Variants in PCDHGA7 observed in about 807,000 individuals in gnomAD.
The protein encoded by PCDHGA7 is protocadherin gamma-A7.
In PCDHGA7, 44 loss-of-function variants were observed where a neutral mutation model predicts 58.3. That is an observed-to-expected ratio of 0.75 (90% CI 0.59 to 0.97). The LOEUF (loss-of-function observed/expected upper bound fraction) is 0.97, where lower values mean the gene tolerates loss of function less well. PCDHGA7 is among the 50% of genes least tolerant of loss of function. The probability of loss-of-function intolerance (pLI) is 0.00; values close to 1 mark genes in which losing one functional copy is unlikely to be tolerated. For synonymous variants in PCDHGA7, 516 were observed against 504.2 expected, an observed-to-expected ratio of 1.02 and a Z score of -0.31; for missense variants, 1,266 against 1,188.7, an observed-to-expected ratio of 1.06 and a Z score of -0.96.
Position 141,487,463 on chromosome 5 carries a change from G to T in PCDHGA7, c.2425-7344G>T, listed in dbSNP as rs754798527. 1 of 1,614,136 alleles carries T rather than the reference G, an allele frequency of 6.2e-7. No homozygotes were observed. The highest frequency in any genetic ancestry group is 1.7e-5 in the Admixed American group (1 of 60,016). ...GTCAGATGACCCTATCAAGTTTGTT[G>T]ATGTGGGAGGCCACTCTCATGGCTG... On this transcript the variant is annotated intron_variant, in intron 1 of 3. Coordinates refer to ENST00000518325, the MANE Select transcript of PCDHGA7 (RefSeq NM_018920.4). The surrounding 1 kb of genome is among the most constrained non-coding windows in gnomAD (Gnocchi z 5.0).
chr5:141,450,977 A>G (rs2098702822), intron 1 of PCDHGA7, among the ~76,000 whole-genome samples: 1 of 151,760 alleles, frequency 6.6e-6, no homozygotes, highest in African/African-American at 2.4e-5. Context: ...GGCATGTGCC[A>G]CCACACCCGG....
chr5:141,432,093 C>A lies in PCDHGA7; in HGVS notation c.2424+46770C>A. The A allele has an allele frequency of 1.2e-6, 2 of 1,614,170 alleles. No homozygotes were observed. Among genetic ancestry groups the A allele is most frequent in the Non-Finnish European group, 1.7e-6 (2 of 1,180,046 alleles). On this transcript the variant is annotated intron_variant, in intron 1 of 3. Coordinates refer to ENST00000518325, the MANE Select transcript of PCDHGA7 (RefSeq NM_018920.4). The surrounding 1 kb of genome is among the most constrained non-coding windows in gnomAD (Gnocchi z 6.0). ...CATATCTCGCTGAACGTGGCAGACA[C>A]CAACGACAACCCGCCGGTCTTCCCT...
At chr5:141,393,222 G>T (rs950133126) in intron 1 of PCDHGA7, 2 of 1,613,670 alleles carry the variant, frequency 1.2e-6, no homozygotes, top group East Asian at 2.2e-5. Flanking sequence ...CCAGGTCGAA[G>T]ATCTAGAAGT....
intron 2 of PCDHGA7, among the ~76,000 whole-genome samples, chr5:141,500,254 G>A (rs1260325865): frequency 1.3e-5 from 2 of 150,426 alleles, no homozygotes; most frequent in Non-Finnish European, 3.0e-5. Context: ...TGTCACCCAG[G>A]CTGGACTGCA....
chr5:141,465,019 G>T (rs533151051), intron 1 of PCDHGA7, among the ~76,000 whole-genome samples: 1 of 151,978 alleles, frequency 6.6e-6, no homozygotes, highest in Non-Finnish European at 1.5e-5. Context: ...TAAGATTACA[G>T]CCATGAACCA....
In PCDHGA7 at chr5:141,511,224, G is replaced by T. The variant is rs752401867; in HGVS notation, c.*51G>T. On this transcript the variant is annotated 3_prime_UTR_variant, in exon 4 of 4. Coordinates refer to ENST00000518325, the MANE Select transcript of PCDHGA7 (RefSeq NM_018920.4). ...GGGCGGCCTCTCCCCAACCAGCCCA[G>T]CTTCTCCTTACCTGCACCCAGGCCT... is the stretch of plus-strand genomic sequence containing the variant. 44 of 1,603,158 alleles carry T rather than the reference G, an allele frequency of 2.7e-5. No individual in the cohort carries two copies. Among genetic ancestry groups the T allele is most frequent in the Non-Finnish European group, 3.6e-5 (42 of 1,174,924 alleles).
At chr5:141,415,182 C>A (rs2095840318) in intron 1 of PCDHGA7, 1 of 1,613,842 alleles carries the variant, frequency 6.2e-7, no homozygotes, top group Admixed American at 1.7e-5. Flanking sequence ...TGGCCGTGGC[C>A]GACAGCATCC....
chr5:141,406,344 A>G (rs1227863234), intron 1 of PCDHGA7, among the ~76,000 whole-genome samples: 1 of 152,148 alleles, frequency 6.6e-6, no homozygotes, highest in Non-Finnish European at 1.5e-5. Flanking sequence ...TCATTTATTC[A>G]GGTCATACTA....
chr5:141,399,071 T>C (rs2093748237), intron 1 of PCDHGA7: 1 of 1,613,808 alleles, frequency 6.2e-7, no homozygotes. Flanking sequence ...TCAATGGTTG[T>C]AGAAGGGAGG....
chr5:141,426,790 A>T, intron 1 of PCDHGA7: 1 of 456,732 alleles, frequency 2.2e-6, no homozygotes, highest in Middle Eastern at 3.3e-4. Flanking sequence ...CTCCAGAGTT[A>T]CCAGCTCAGT....
chr5:141,405,529 C>G, intron 1 of PCDHGA7: 1 of 654,350 alleles, frequency 1.5e-6, no homozygotes, highest in Middle Eastern at 4.2e-4. Flanking sequence ...AAGCGATTCT[C>G]CTGCCTCAGC....
chr5:141,495,415 C>T (rs1385371906), intron 2 of PCDHGA7, among the ~76,000 whole-genome samples: 1 of 152,194 alleles, frequency 6.6e-6, no homozygotes, highest in Admixed American at 6.5e-5. Context: ...TTCTCCGGCC[C>T]CTCCTCCCAC....
At chr5:141,424,723 T>A (rs2096836963) in intron 1 of PCDHGA7, 2 of 152,144 alleles carry the variant, frequency 1.3e-5, no homozygotes, top group African/African-American at 4.8e-5. Context: ...TAGTTGGGAG[T>A]CATAGATTCC....
intron 1 of PCDHGA7, chr5:141,420,076 T>C (rs764381539): frequency 3.3e-5 from 53 of 1,613,956 alleles, no homozygotes; most frequent in Non-Finnish European, 4.5e-5. Context: ...GACCTGTGGG[T>C]CCCCCCAACT....
intron 1 of PCDHGA7, chr5:141,393,333 C>G: frequency 6.3e-7 from 1 of 1,582,250 alleles, no homozygotes; most frequent in Non-Finnish European, 8.6e-7. Context: ...CCAGCTCAGC[C>G]CCAATCACCA....
intron 1 of PCDHGA7, chr5:141,430,854 G>A (rs140440273): frequency 5.0e-6 from 8 of 1,587,648 alleles, no homozygotes; most frequent in Middle Eastern, 1.7e-4. Flanking sequence ...ACCCAGATAC[G>A]CTATTCAGTT....
chr5:141,424,401 G>A (rs1167861346), intron 1 of PCDHGA7: 1 of 151,844 alleles, frequency 6.6e-6, no homozygotes, highest in Non-Finnish European at 1.5e-5. Flanking sequence ...CCATTACTAT[G>A]GTGAAGTTAC....
In PCDHGA7 at chr5:141,423,081, C is replaced by T. The variant is rs1393904828; in HGVS notation, c.2424+37758C>T. 3.1e-6 allele frequency: 5 copies of T among 1,613,966 alleles called. No individual in the cohort carries two copies. The African/African-American group carries it at 4.0e-5, about 13-fold the overall frequency. ...TTAAGGCCAGCGAGCCGGGACTCTT[C>T]GCGGTGGGGGAGCACACGGGCGAGG... is the stretch of plus-strand genomic sequence containing the variant. On this transcript the variant is annotated intron_variant, in intron 1 of 3. Coordinates refer to ENST00000518325, the MANE Select transcript of PCDHGA7 (RefSeq NM_018920.4).
intron 1 of PCDHGA7, chr5:141,394,070 T>C: frequency 6.2e-7 from 1 of 1,613,848 alleles, no homozygotes; most frequent in Non-Finnish European, 8.5e-7. Context: ...CTATCTACAA[T>C]ATCACAGTGA....
Sources: gnomAD v4.1 joint callset for allele counts (sites outside exome capture counted in the v4.1 genomes callset) on GRCh38, gnomAD v4.1.1 for gene constraint, Gnocchi (gnomAD v3.1) non-coding constraint, MANE v1.5 for transcripts, NCBI Gene and HGNC (gene_info 2026-07-23, HGNC 2026-07-21) for gene names.